FBXO10: variants seen among roughly 807,000 people sequenced by gnomAD.
FBXO10 encodes the protein F-box protein 10.
FBXO10 carries 39 observed loss-of-function variants against 80.7 expected under a neutral mutation model. The ratio of observed to expected loss-of-function variants is 0.48; its 90% CI spans 0.37 to 0.63. FBXO10 has a LOEUF of 0.63. Among genes scored for constraint, FBXO10 ranks in the 30% least tolerant of loss-of-function variants. The pLI is 0.00. For synonymous variants in FBXO10, 449 were observed against 489.6 expected, an observed-to-expected ratio of 0.92 and a Z score of 1.09; for missense variants, 1,025 against 1,269.0, an observed-to-expected ratio of 0.81 and a Z score of 2.92.
Position 37,541,728 on chromosome 9 carries a change from A to G in FBXO10, c.41T>C (p.Ile14Thr). ...GTCGGGAAGGTGCAAGTAGGCTAAG[A>G]TCATGCGCCACAGCTCCAAGGGGAG... ...GGLPLELWRM[I>T]LAYLHLPDLG... The change falls in exon 2 of 11, where the codon ATC becomes ACC. Residue 14 changes from isoleucine (I) to threonine (T), a missense_variant. Physicochemically the swap from Ile to Thr is moderately conservative, Grantham distance 89 (BLOSUM62 -1). This residue lies in a region of FBXO10 where 450 missense variants were observed against 499.4 expected (regional missense o/e 0.90). Transcript: ENST00000432825. The G allele has an allele frequency of 1.2e-6, 2 of 1,611,976 alleles. No individual in the cohort carries two copies. Among genetic ancestry groups the G allele is most frequent in the Non-Finnish European group, 1.7e-6 (2 of 1,178,732 alleles).
At chr9:37,520,522 CTTT>C (rs1191753429) in intron 8 of FBXO10, among the ~76,000 whole-genome samples, 392 of 83,414 alleles carry the variant, frequency 4.7e-3, no homozygotes, top group African/African-American at 0.017. Context: ...CCTTCTTCTT[CTTT>C]TTTTTTTTTT....
Position 37,529,055 on chromosome 9 carries a change from G to C in FBXO10, c.1706+69C>G, listed in dbSNP as rs574913971. ...ATCTGTACAGTTGTTTCCGTAAAGA[G>C]TGTTTTCAAATGGAGGAGAGACAGG... On this transcript the variant is annotated intron_variant, in intron 5 of 10. Transcript: ENST00000432825. 1.2e-3 allele frequency: 1,843 copies of C among 1,592,442 alleles called. 24 individuals are homozygous for C. In the South Asian group the frequency reaches 0.02, roughly 17 times the overall value.
Position 37,541,361 on chromosome 9 carries a change from G to C in FBXO10, c.408C>G (p.Leu136=). The C allele has an allele frequency of 6.2e-7, 1 of 1,614,016 alleles. No homozygotes were observed. The highest frequency in any genetic ancestry group is 2.2e-5 in the East Asian group (1 of 44,886). ...AMASLYDRIV[L]FPGVYEEQGE... is the part of the protein sequence containing the mutation. ...CTTGCTCTTCGTACACACCTGGGAA[G>C]AGCACAATTCGGTCATACAGGCTGG... Residue 136 remains leucine, a synonymous_variant, in exon 2 of 11, where the codon CTC becomes CTG. Coordinates refer to ENST00000432825, the MANE Select transcript of FBXO10 (RefSeq NM_012166.3).
chr9:37,512,433 C>G lies in FBXO10; in HGVS notation c.*114G>C, dbSNP rs1041892835. On this transcript the variant is annotated 3_prime_UTR_variant, in exon 11 of 11. Coordinates refer to ENST00000432825, the MANE Select transcript of FBXO10 (RefSeq NM_012166.3). ...CTGGAGGTACCGTGTTTTGGAGGCCCGGGACCCATTTGTTCGAGGGGGAGG... is the reference window on the plus strand; with the variant it reads ...CTGGAGGTACCGTGTTTTGGAGGCCGGGGACCCATTTGTTCGAGGGGGAGG... The G allele has an allele frequency of 1.7e-6, 2 of 1,206,538 alleles. No individual in the cohort carries two copies. Among genetic ancestry groups the G allele is most frequent in the Non-Finnish European group, 2.3e-6 (2 of 857,890 alleles). 74.7% of individuals were successfully genotyped at this position (1,206,538 alleles called of 1,614,324 possible). A position where few individuals can be genotyped will look rare whatever the true frequency, so the allele number is the denominator to read the frequency against.
At chr9:37,543,685 A>T (rs1018537211) in intron 1 of FBXO10, among the ~76,000 whole-genome samples, 3 of 152,198 alleles carry the variant, frequency 2.0e-5, no homozygotes, top group Non-Finnish European at 4.4e-5. Flanking sequence ...GATATCCCTG[A>T]TGATGTAAGC....
rs368324609 is a variant in FBXO10, at chr9:37,512,583, G to A, written c.2835C>T (p.Tyr945=). The change falls in exon 11 of 11, where the codon TAC becomes TAT. Residue 945 remains tyrosine, a synonymous_variant. Transcript: ENST00000432825. ...TRITARVEGG[Y]HSNRSVFCTI... is the part of the protein sequence containing the mutation. Reference sequence around the variant, plus strand: ...TGCAGAAGACACTGCGGTTGCTGTGGTAACCACCTTCCACCCGGGCTGTGA... The same window carrying A: ...TGCAGAAGACACTGCGGTTGCTGTGATAACCACCTTCCACCCGGGCTGTGA... 1.9e-6 allele frequency: 3 copies of A among 1,613,882 alleles called. No individual in the cohort carries two copies. Among genetic ancestry groups the A allele is most frequent in the African/African-American group, 1.3e-5 (1 of 74,930 alleles).
At chr9:37,565,125 A>G (rs1822571693) in intron 1 of FBXO10, among the ~76,000 whole-genome samples, 2 of 152,030 alleles carry the variant, frequency 1.3e-5, no homozygotes, top group South Asian at 2.1e-4. Flanking sequence ...AGTCTCTGGA[A>G]TTTCCCCTGC....
Position 37,537,601 on chromosome 9 carries a change from C to G in FBXO10, c.928G>C (p.Asp310His), listed in dbSNP as rs997926437. ...RDQAWSPKTCDIVIEGSQSPT... is the reference protein window; with the variant it reads ...RDQAWSPKTCHIVIEGSQSPT... ...CTCTGGCTGCCCTCGATAACAATGT[C>G]ACAGGTCTTTGGGCTCCAGGCCTGG... The change falls in exon 3 of 11, where the codon GAC becomes CAC. Residue 310 changes from aspartate (D) to histidine (H), a missense_variant. By Grantham distance (81) the Asp-to-His change is moderately conservative. Coordinates refer to ENST00000432825, the MANE Select transcript of FBXO10 (RefSeq NM_012166.3). The G allele has an allele frequency of 6.2e-7, 1 of 1,613,824 alleles. No individual in the cohort carries two copies. Among genetic ancestry groups the G allele is most frequent in the African/African-American group, 1.3e-5 (1 of 74,930 alleles).
Position 37,558,374 on chromosome 9 carries a change from G to A in FBXO10, c.-6-16600C>T, listed in dbSNP as rs577809381. ...ATTGCAACCACCAACCCTCATAAAT[G>A]CATCTCTGCTTCTCAACTCGAGCCT... is the stretch of plus-strand genomic sequence containing the variant. On this transcript the variant is annotated intron_variant, in intron 1 of 10. Coordinates refer to ENST00000432825, the MANE Select transcript of FBXO10 (RefSeq NM_012166.3). Among the ~76,000 whole-genome samples the A allele has an allele frequency of 4.6e-5, 7 of 152,256 alleles. 1 individual carries two copies. The highest frequency in any genetic ancestry group is 1.7e-4 in the African/African-American group (7 of 41,550).
intron 2 of FBXO10, among the ~76,000 whole-genome samples, chr9:37,539,393 C>T (rs1235823984): frequency 6.6e-6 from 1 of 152,210 alleles, no homozygotes; most frequent in Non-Finnish European, 1.5e-5. Context: ...CCCAGGCCCC[C>T]ATGTCTCCTT....
intron 9 of FBXO10, 129 bp from the exon 10 acceptor site, chr9:37,516,214 T>G (rs79289161): frequency 0.16 from 168,314 of 1,032,168 alleles, 15,304 homozygotes; most frequent in Admixed American, 0.24. Flanking sequence ...GAAGAGCCTA[T>G]GAGCTCAAAG....
intron 1 of FBXO10, among the ~76,000 whole-genome samples, chr9:37,553,206 TA>T (rs1272956215): frequency 6.6e-6 from 1 of 151,986 alleles, no homozygotes; most frequent in African/African-American, 2.4e-5. Flanking sequence ...CATGCCCAGC[TA>T]ATTTTTGTAT....
At position 37,518,404 on chromosome 9, in the gene FBXO10, C is replaced by A. The variant is rs756561849; in HGVS notation, c.2235G>T (p.Leu745=). Residue 745 remains leucine, a synonymous_variant, in exon 9 of 11, where the codon CTG becomes CTT. Transcript: ENST00000432825. ...CGTGGATCACATTGGTGATGACATGCAGTGCCTCGCTGCTCTGGACATAGA... is the reference window on the plus strand; with the variant it reads ...CGTGGATCACATTGGTGATGACATGAAGTGCCTCGCTGCTCTGGACATAGA... The part of the protein sequence containing the change: ...SGLYVQSSEA[L]HVITNVIHAN... 1 of 1,610,204 alleles carries A rather than the reference C, an allele frequency of 6.2e-7. No individual in the cohort carries two copies. Among genetic ancestry groups the A allele is most frequent in the Admixed American group, 1.7e-5 (1 of 59,840 alleles).
intron 10 of FBXO10, among the ~76,000 whole-genome samples, chr9:37,514,066 C>T (rs1345346538): frequency 6.6e-6 from 1 of 152,170 alleles, no homozygotes; most frequent in Non-Finnish European, 1.5e-5. Flanking sequence ...ACTTTACACA[C>T]TAAGTCTCCA....
rs1588848835 is a variant in FBXO10 at position 37,549,188 on chromosome 9, A to C, written c.-6-7414T>G. Among the ~76,000 whole-genome samples the C allele has an allele frequency of 3.3e-5, 5 of 152,204 alleles. No homozygotes were observed. In the Middle Eastern group the frequency reaches 0.014, roughly 414 times the overall value. The stretch of plus-strand genomic sequence containing the variant: ...TTCTCTAGCCTCATCTCTGACATTC[A>C]TCCCAACCTACCCTCACCCTCCCAA... On this transcript the variant is annotated intron_variant, in intron 1 of 10. Coordinates refer to ENST00000432825, the MANE Select transcript of FBXO10 (RefSeq NM_012166.3).
chr9:37,524,775 C>T (rs1174198714), intron 6 of FBXO10, among the ~76,000 whole-genome samples: 1 of 152,138 alleles, frequency 6.6e-6, no homozygotes, highest in Admixed American at 6.5e-5. Context: ...GCGGAGGTTT[C>T]CAGAGCAGGC....
Position 37,512,418 on chromosome 9 carries a change from C to A in FBXO10, c.*129G>T, listed in dbSNP as rs530567146. The A allele has an allele frequency of 5.4e-6, 5 of 922,950 alleles. No individual in the cohort carries two copies. Among genetic ancestry groups the A allele is most frequent in the Admixed American group, 5.0e-5 (2 of 40,146 alleles). The allele number at this position is 922,950 out of a possible 1,614,324, so 57.2% of individuals were successfully genotyped here. A position where few individuals can be genotyped will look rare whatever the true frequency, so the allele number is the denominator to read the frequency against. ...TGGAGCTGAAGTGTTCTGGAGGTAC[C>A]GTGTTTTGGAGGCCCGGGACCCATT... On this transcript the variant is annotated 3_prime_UTR_variant, in exon 11 of 11. Transcript: ENST00000432825.
chr9:37,543,852 G>A (rs939593903), intron 1 of FBXO10, among the ~76,000 whole-genome samples: 3 of 152,202 alleles, frequency 2.0e-5, no homozygotes, highest in Non-Finnish European at 2.9e-5. Context: ...GACTATGGCC[G>A]GACATGGTGG....
chr9:37,542,710 A>G (rs1301255094), intron 1 of FBXO10, among the ~76,000 whole-genome samples: 4 of 152,198 alleles, frequency 2.6e-5, no homozygotes, highest in Admixed American at 1.3e-4. Context: ...GAGGAAGAAA[A>G]CAAGGTGAGC....
Sources: allele counts gnomAD v4.1 joint callset (sites outside exome capture counted in the v4.1 genomes callset), GRCh38; gene constraint gnomAD v4.1.1; regional missense constraint gnomAD v4.1.1; transcripts MANE v1.5; gene names NCBI Gene and HGNC (gene_info 2026-07-23, HGNC 2026-07-21).